The following SNTG2 variants were observed in gnomAD, a reference collection of about 807,000 sequenced individuals.
SNTG2 encodes the protein gamma-2-syntrophin.
A neutral mutation model predicts 70.9 loss-of-function variants in SNTG2; 74 were observed. The ratio of observed to expected loss-of-function variants is 1.04; its 90% CI spans 0.86 to 1.27. The LOEUF (loss-of-function observed/expected upper bound fraction) is 1.27, where lower values mean the gene tolerates loss of function less well. SNTG2 is among the 50% of genes most tolerant of loss of function. SNTG2 has a pLI of 0.00. For synonymous variants in SNTG2, 278 were observed against 273.8 expected (o/e 1.02, Z -0.15); for missense variants, 717 against 690.7 (o/e 1.04, Z -0.43).
chr2:1,049,783 C>T (rs1477601318), intron 1 of SNTG2, among the ~76,000 whole-genome samples: 1 of 152,210 alleles, frequency 6.6e-6, no homozygotes, highest in African/African-American at 2.4e-5. Flanking sequence ...GTTCCTGTTG[C>T]TCTACATCTT....
intron 1 of SNTG2, among the ~76,000 whole-genome samples, chr2:1,078,597 C>G (rs1326086634): frequency 2.6e-5 from 4 of 152,118 alleles, no homozygotes; most frequent in African/African-American, 9.7e-5. Context: ...CAGGGCATCA[C>G]CGGACACTGG....
intron 1 of SNTG2, among the ~76,000 whole-genome samples, chr2:1,060,424 G>C (rs541972522): frequency 6.6e-6 from 1 of 152,150 alleles, no homozygotes; most frequent in Non-Finnish European, 1.5e-5. Flanking sequence ...GTGTCCTACC[G>C]TGGAGCACTG....
intron 6 of SNTG2, among the ~76,000 whole-genome samples, chr2:1,156,155 A>G (rs1261739168): frequency 1.3e-5 from 2 of 152,214 alleles, no homozygotes; most frequent in East Asian, 1.9e-4. Context: ...GAAGGGTTTC[A>G]TGGTAGAAGG....
chr2:1,117,610 C>G (rs867861616), intron 4 of SNTG2, among the ~76,000 whole-genome samples: 3 of 152,082 alleles, frequency 2.0e-5, no homozygotes, highest in Admixed American at 6.5e-5. Context: ...GAATCAGAAC[C>G]GAGGCGGAGC....
intron 1 of SNTG2, among the ~76,000 whole-genome samples, chr2:1,083,188 A>G (rs999282196): frequency 4.7e-5 from 7 of 149,972 alleles, no homozygotes; most frequent in Non-Finnish European, 7.4e-5. Flanking sequence ...AAAAAAATAT[A>G]TATATATATA....
At chr2:969,938 T>G (rs1474944737) in intron 1 of SNTG2, among the ~76,000 whole-genome samples, 2 of 152,226 alleles carry the variant, frequency 1.3e-5, no homozygotes, top group East Asian at 1.9e-4. Context: ...CCCTGTCTGC[T>G]TCTGGTTCTC....
At chr2:1,224,436 C>G (rs1482681769) in intron 9 of SNTG2, among the ~76,000 whole-genome samples, 8 of 152,194 alleles carry the variant, frequency 5.3e-5, no homozygotes, top group Non-Finnish European at 7.3e-5. Context: ...ACCTGGCTTC[C>G]CAGCCTCCTC....
At chr2:1,091,478 T>A (rs534858513) in intron 2 of SNTG2, among the ~76,000 whole-genome samples, 3 of 152,196 alleles carry the variant, frequency 2.0e-5, no homozygotes, top group African/African-American at 7.2e-5. Flanking sequence ...GAGACTCTGA[T>A]GCCAGGACGC....
At chr2:1,266,145 C>T (rs1678718079) in intron 13 of SNTG2, among the ~76,000 whole-genome samples, 1 of 151,826 alleles carries the variant, frequency 6.6e-6, no homozygotes, top group African/African-American at 2.4e-5. Context: ...GAAAGAGACA[C>T]AAAGAGAGAC....
intron 11 of SNTG2, among the ~76,000 whole-genome samples, chr2:1,240,474 TTGTAA>T (rs1348235377): frequency 1.1e-4 from 16 of 152,348 alleles, no homozygotes; most frequent in African/African-American, 3.8e-4. Context: ...ATGATTTAAC[TTGTAA>T]TGTAAGGGAG....
At chr2:1,226,098 T>C (rs1008246567) in intron 9 of SNTG2, among the ~76,000 whole-genome samples, 5 of 152,204 alleles carry the variant, frequency 3.3e-5, no homozygotes, top group African/African-American at 1.2e-4. Flanking sequence ...AGTTGGAATG[T>C]AAGGCATTCT....
At chr2:1,237,205 C>T (rs1055042374) in intron 9 of SNTG2, among the ~76,000 whole-genome samples, 10 of 152,110 alleles carry the variant, frequency 6.6e-5, no homozygotes, top group East Asian at 1.9e-4. Flanking sequence ...AGTCTTCCAA[C>T]GTCCTGTGAT....
At chr2:1,259,749 A>G (rs145876104) in intron 13 of SNTG2, among the ~76,000 whole-genome samples, 125 of 152,296 alleles carry the variant, frequency 8.2e-4, no homozygotes, top group Non-Finnish European at 1.3e-3. Flanking sequence ...ATTTATTCCA[A>G]GAACTTTAGA....
chr2:1,128,136 T>C (rs1367816099), intron 4 of SNTG2, among the ~76,000 whole-genome samples: 1 of 150,380 alleles, frequency 6.6e-6, no homozygotes, highest in Non-Finnish European at 1.5e-5. Flanking sequence ...ACTGAGAGTT[T>C]TTGTCATGAA....
chr2:1,035,846 A>G (rs1173296089), intron 1 of SNTG2, among the ~76,000 whole-genome samples: 1 of 152,224 alleles, frequency 6.6e-6, no homozygotes, highest in Non-Finnish European at 1.5e-5. Context: ...AAGGGGATGG[A>G]GATGGAACAT....
chr2:1,121,762 G>T (rs1009544014), intron 4 of SNTG2, among the ~76,000 whole-genome samples: 3 of 152,142 alleles, frequency 2.0e-5, no homozygotes, highest in African/African-American at 7.2e-5. Context: ...GGGGGAAACT[G>T]CCCCCATGAT....
At chr2:1,111,302 G>C (rs1190335294) in intron 4 of SNTG2, among the ~76,000 whole-genome samples, 1 of 152,234 alleles carries the variant, frequency 6.6e-6, no homozygotes, top group Non-Finnish European at 1.5e-5. Flanking sequence ...TGCGTGCTGT[G>C]CACTGCAGGT....
At chr2:1,052,914 G>T (rs1662156642) in intron 1 of SNTG2, among the ~76,000 whole-genome samples, 1 of 152,220 alleles carries the variant, frequency 6.6e-6, no homozygotes, top group South Asian at 2.1e-4. Flanking sequence ...CTCACAATCT[G>T]TTCAAAACAC....
rs201911549 is a variant in SNTG2 at position 1,098,410 on chromosome 2, G to A, written c.325G>A (p.Ala109Thr). ...ATCAAAAATATTCGAAGACCAAGCAGGTAAAAACAGCCAAAATGACCTGTG... is the reference window on the plus strand; with the variant it reads ...ATCAAAAATATTCGAAGACCAAGCAAGTAAAAACAGCCAAAATGACCTGTG... ...VISKIFEDQAADQTGMLFVGD... is the reference protein window; with the variant it reads ...VISKIFEDQATDQTGMLFVGD... The change falls in exon 4 of 17, where the codon GCT becomes ACT. Residue 109 changes from alanine to threonine, a missense_variant and splice_region_variant. Ala to Thr is a moderately conservative substitution (Grantham distance 58). Transcript: ENST00000308624. The A allele has an allele frequency of 4.2e-4, 677 of 1,613,856 alleles. No individual in the cohort carries two copies. The highest frequency in any genetic ancestry group is 5.6e-4 in the Non-Finnish European group (658 of 1,179,876).
Sources: allele counts gnomAD v4.1 joint callset (sites outside exome capture counted in the v4.1 genomes callset), GRCh38; gene constraint gnomAD v4.1.1; transcripts MANE v1.5; gene names NCBI Gene and HGNC (gene_info 2026-07-23, HGNC 2026-07-21).